KMT2E: variants seen among roughly 807,000 people sequenced by gnomAD.
KMT2E encodes the protein lysine methyltransferase 2E (inactive).
KMT2E carries 30 observed loss-of-function variants against 184.6 expected under a neutral mutation model. The ratio of observed to expected loss-of-function variants is 0.16; its 90% CI spans 0.12 to 0.22. KMT2E has a LOEUF of 0.22. KMT2E is among the 10% of genes least tolerant of loss of function. KMT2E has a pLI of 1.00. For synonymous variants in KMT2E, 815 were observed against 776.5 expected, an observed-to-expected ratio of 1.05 and a Z score of -0.82; for missense variants, 2,023 against 2,237.4, an observed-to-expected ratio of 0.90 and a Z score of 1.93.
chr7:105,100,445 A>G (rs1798603250), intron 15 of KMT2E, among the ~76,000 whole-genome samples: 1 of 152,176 alleles, frequency 6.6e-6, no homozygotes, highest in Non-Finnish European at 1.5e-5. Flanking sequence ...AAAGGAGGAA[A>G]GACAAATGGA....
intron 1 of KMT2E, among the ~76,000 whole-genome samples, chr7:105,037,497 G>C (rs1449027615): frequency 6.6e-6 from 1 of 151,882 alleles, no homozygotes. Context: ...CAAGTAACTG[G>C]GACTACAGGT....
chr7:105,059,760 A>G (rs929977758), intron 3 of KMT2E, among the ~76,000 whole-genome samples: 7 of 151,996 alleles, frequency 4.6e-5, no homozygotes, highest in Non-Finnish European at 7.4e-5. Context: ...ATAATGATGC[A>G]TAGAAAAGTT....
At chr7:105,070,070 C>T (rs1352675570) in intron 6 of KMT2E, among the ~76,000 whole-genome samples, 3 of 152,102 alleles carry the variant, frequency 2.0e-5, no homozygotes, top group Non-Finnish European at 4.4e-5. Flanking sequence ...GTTTCTTTAA[C>T]CTATTCACCC....
intron 3 of KMT2E, among the ~76,000 whole-genome samples, chr7:105,047,863 C>CT (rs1293114738): frequency 5.3e-5 from 8 of 152,168 alleles, no homozygotes; most frequent in African/African-American, 1.9e-4. Flanking sequence ...AGGAAAACAA[C>CT]TCTGGTTGAA....
intron 1 of KMT2E, among the ~76,000 whole-genome samples, chr7:105,023,907 A>G (rs1456040912): frequency 1.3e-5 from 2 of 152,230 alleles, no homozygotes; most frequent in Admixed American, 1.3e-4. Context: ...TTCTAGGGCA[A>G]AGCGGTATAT....
In KMT2E at chr7:105,110,366, G is replaced by A. The variant is rs1299647011; in HGVS notation, c.3842G>A (p.Ser1281Asn). Residue 1281 changes from serine to asparagine, a missense_variant and splice_region_variant, in exon 24 of 27, where the codon AGT (serine) becomes AAT (asparagine). Physicochemically the swap from Ser to Asn is conservative, Grantham distance 46 (BLOSUM62 1). Around this residue, in one of 8 missense-constraint regions of KMT2E, gnomAD observed 1,108 missense variants for 1,050.9 expected, o/e 1.05. Coordinates refer to ENST00000311117, the MANE Select transcript of KMT2E (RefSeq NM_182931.3). The stretch of plus-strand genomic sequence containing the variant: ...AGTGATCACCGAAAAGATAAAGATA[G>A]TGGTAAGTGAGCTTGTTCCTTCACC... Reference protein sequence around the residue: ...LLSDHRKDKDSGGESPCVSCS... With the variant: ...LLSDHRKDKDNGGESPCVSCS... 1 of 1,614,066 alleles carries A rather than the reference G, an allele frequency of 6.2e-7. No homozygotes were observed. Among genetic ancestry groups the A allele is most frequent in the Non-Finnish European group, 8.5e-7 (1 of 1,179,916 alleles).
chr7:105,113,449 G>A lies in KMT2E; in HGVS notation c.*116G>A. 1 of 1,106,128 alleles carries A rather than the reference G, an allele frequency of 9.0e-7. No homozygotes were observed. The highest frequency in any genetic ancestry group is 2.7e-5 in the East Asian group (1 of 37,064). 68.5% of individuals were successfully genotyped at this position (1,106,128 alleles called of 1,614,324 possible). A position where few individuals can be genotyped will look rare whatever the true frequency, so the allele number is the denominator to read the frequency against. ...ATGAACCTTTGTATAAAAAACACCA[G>A]TGCTCTTTCGTTGTATTTTTCTCAT... On this transcript the variant is annotated 3_prime_UTR_variant, in exon 27 of 27. Transcript: ENST00000311117.
chr7:105,055,023 C>T (rs1387342619), intron 3 of KMT2E, among the ~76,000 whole-genome samples: 1 of 151,958 alleles, frequency 6.6e-6, no homozygotes, highest in East Asian at 1.9e-4. Context: ...TACTTTTTAC[C>T]TTCTCTGATC....
At chr7:105,051,214 T>G (rs554516678) in intron 3 of KMT2E, among the ~76,000 whole-genome samples, 16 of 149,582 alleles carry the variant, frequency 1.1e-4, no homozygotes, top group Non-Finnish European at 1.8e-4. Context: ...AGATGGAGTT[T>G]CGCTCTTGTT....
At chr7:105,078,798 A>G (rs370089831) in intron 11 of KMT2E, 48 bp from the exon 12 acceptor site, 2 of 1,071,414 alleles carry the variant, frequency 1.9e-6, no homozygotes, top group Non-Finnish European at 1.4e-6. Flanking sequence ...GTGAACCAGC[A>G]TGCCCGGCCT....
intron 3 of KMT2E, among the ~76,000 whole-genome samples, chr7:105,044,289 A>C (rs1383406811): frequency 2.0e-5 from 3 of 152,198 alleles, no homozygotes; most frequent in Non-Finnish European, 2.9e-5. Flanking sequence ...TTAAGTAAAT[A>C]ATCAACAGTC....
Position 105,101,647 on chromosome 7 carries a change from C to T in KMT2E, c.1887+58C>T. 4 of 1,331,150 alleles carry T rather than the reference C, an allele frequency of 3.0e-6. No homozygotes were observed. The South Asian group carries it at 6.8e-5, about 23-fold the overall frequency. 82.5% of individuals were successfully genotyped at this position (1,331,150 alleles called of 1,614,324 possible). On this transcript the variant is annotated intron_variant, in intron 16 of 26. Coordinates refer to ENST00000311117, the MANE Select transcript of KMT2E (RefSeq NM_182931.3). Reference sequence around the variant, plus strand: ...AACACTTTAAAATAAAATGTCTATACTTGCATTAATTACTTATAAGGAATT... The same window carrying T: ...AACACTTTAAAATAAAATGTCTATATTTGCATTAATTACTTATAAGGAATT...
intron 3 of KMT2E, among the ~76,000 whole-genome samples, chr7:105,059,470 G>C (rs562445449): frequency 6.6e-6 from 1 of 152,210 alleles, no homozygotes; most frequent in East Asian, 1.9e-4. Context: ...TTACCCTTTT[G>C]TTCAGCAATA....
At position 105,112,671 on chromosome 7, in the gene KMT2E, C is replaced by T. The variant is rs1258146540; in HGVS notation, c.4915C>T (p.His1639Tyr). 1 of 1,613,834 alleles carries T rather than the reference C, an allele frequency of 6.2e-7. No individual in the cohort carries two copies. Among genetic ancestry groups the T allele is most frequent in the Non-Finnish European group, 8.5e-7 (1 of 1,180,008 alleles). The change falls in exon 27 of 27, where the codon CAC becomes TAC. Residue 1639 changes from histidine to tyrosine, a missense_variant. This residue lies in a region of KMT2E where 1,108 missense variants were observed against 1,050.9 expected (regional missense o/e 1.05). Coordinates refer to ENST00000311117, the MANE Select transcript of KMT2E (RefSeq NM_182931.3). ...PPPPPPAPGP[H>Y]LVQQPNSHQQ... ...TCCACCACCACCTGCTCCAGGACCG[C>T]ACCTTGTACAACAGCCGAATTCCCA...
In KMT2E at chr7:105,113,790, T is replaced by C. The variant is rs1799450339; in HGVS notation, c.*457T>C. On this transcript the variant is annotated 3_prime_UTR_variant, in exon 27 of 27. Transcript: ENST00000311117. ...TATATTTTGGTGTGGACATGGCTCA[T>C]TTTGTTTTACCAGTTATTTGCAAGC... The C allele has an allele frequency of 1.9e-5, 3 of 156,392 alleles. No individual in the cohort carries two copies. The South Asian group carries it at 6.0e-4, about 31-fold the overall frequency. 9.7% of individuals were successfully genotyped at this position (156,392 alleles called of 1,614,324 possible).
intron 1 of KMT2E, among the ~76,000 whole-genome samples, chr7:105,018,389 T>G (rs1406851012): frequency 3.3e-5 from 5 of 152,204 alleles, no homozygotes. Flanking sequence ...TGTAAAAGCT[T>G]TTATCTCCAA....
chr7:105,081,027 A>G (rs1243758599), intron 12 of KMT2E, among the ~76,000 whole-genome samples: 1 of 151,796 alleles, frequency 6.6e-6, no homozygotes, highest in African/African-American at 2.4e-5. Flanking sequence ...AACAACAAAA[A>G]ACCCTAAGAT....
At chr7:105,059,978 G>GTTT (rs67291226) in intron 3 of KMT2E, among the ~76,000 whole-genome samples, 1,468 of 51,714 alleles carry the variant, frequency 0.028, 360 homozygotes, top group Non-Finnish European at 0.043. Context: ...TCTTGTTGTT[G>GTTT]TTTTTTTTTT....
At chr7:105,017,231 G>C (rs918131117) in intron 1 of KMT2E, among the ~76,000 whole-genome samples, 1 of 152,152 alleles carries the variant, frequency 6.6e-6, no homozygotes, top group African/African-American at 2.4e-5. Flanking sequence ...GCCTGTGCCC[G>C]ATGGTTTTCT....
Sources: allele counts gnomAD v4.1 joint callset (sites outside exome capture counted in the v4.1 genomes callset), GRCh38; gene constraint gnomAD v4.1.1; regional missense constraint gnomAD v4.1.1; transcripts MANE v1.5; gene names NCBI Gene and HGNC (gene_info 2026-07-23, HGNC 2026-07-21).